Variants in CDYL observed in about 807,000 individuals in gnomAD.
CDYL encodes the protein chromodomain Y like, also known as chromodomain Y-like protein.
Under a neutral mutation model 47.3 loss-of-function variants are expected in CDYL, and 8 were observed. The observed-to-expected ratio is 0.17, with a 90% CI of 0.10 to 0.31. CDYL has a LOEUF of 0.31. Among genes scored for constraint, CDYL ranks in the 10% least tolerant of loss-of-function variants. The pLI is 1.00. For synonymous variants in CDYL, 266 were observed against 265.0 expected (o/e 1.00, Z -0.04); for missense variants, 471 against 701.4 (o/e 0.67, Z 3.71).
At chr6:4,722,772 G>A (rs1327053040) in intron 2 of CDYL, among the ~76,000 whole-genome samples, 2 of 152,194 alleles carry the variant, frequency 1.3e-5, no homozygotes, top group Non-Finnish European at 2.9e-5. Flanking sequence ...AGCTACTCGG[G>A]AGGCTGAGGC....
intron 2 of CDYL, among the ~76,000 whole-genome samples, chr6:4,929,087 C>T (rs930042844): frequency 6.6e-6 from 1 of 152,140 alleles, no homozygotes; most frequent in African/African-American, 2.4e-5. Flanking sequence ...TTTCCTTCTG[C>T]CTGAAGAACA....
Position 4,776,742 on chromosome 6 carries a change from G to GC in CDYL, c.-38dup. 5 of 719,040 alleles carry GC rather than the reference G, an allele frequency of 7.0e-6. No homozygotes were observed. The highest frequency in any genetic ancestry group is 2.1e-5 in the African/African-American group (1 of 48,236). The allele number at this position is 719,040 out of a possible 1,614,324, so 44.5% of individuals were successfully genotyped here. ...TGTCGGCCGCCCGGCGCCGGCGCCC[G>GC]CCCCGACCCTGCCCCTCCCGCCCGC... On this transcript the variant is annotated 5_prime_UTR_variant, in exon 1 of 7. Coordinates refer to ENST00000397588, the MANE Select transcript of CDYL (RefSeq NM_004824.4).
intron 2 of CDYL, among the ~76,000 whole-genome samples, chr6:4,929,493 T>TATAC (rs1554108736): frequency 1.4e-5 from 2 of 143,934 alleles, no homozygotes; most frequent in Admixed American, 1.4e-4. Flanking sequence ...ATGTTTTACT[T>TATAC]ACACACACAC....
chr6:4,939,474 C>A (rs1005609785), intron 4 of CDYL, among the ~76,000 whole-genome samples: 8 of 152,212 alleles, frequency 5.3e-5, no homozygotes, highest in African/African-American at 1.9e-4. Context: ...ACTATATTTT[C>A]TCATATGATG....
intron 1 of CDYL, among the ~76,000 whole-genome samples, chr6:4,889,152 C>T (rs890510070): frequency 6.6e-6 from 1 of 152,186 alleles, no homozygotes; most frequent in Non-Finnish European, 1.5e-5. Flanking sequence ...CTTATTGCTC[C>T]TTCACAGTCT....
chr6:4,801,687 G>A (rs1418137734), intron 1 of CDYL, among the ~76,000 whole-genome samples: 1 of 152,096 alleles, frequency 6.6e-6, no homozygotes, highest in Non-Finnish European at 1.5e-5. Flanking sequence ...GAGTAGAGAT[G>A]GACTTTTCTC....
intron 1 of CDYL, among the ~76,000 whole-genome samples, chr6:4,838,357 G>C (rs912940711): frequency 2.0e-5 from 3 of 149,456 alleles, no homozygotes; most frequent in African/African-American, 7.4e-5. Flanking sequence ...TTATGCCTTT[G>C]CATCTTCATA....
At chr6:4,896,034 C>G (rs1051988488) in intron 2 of CDYL, among the ~76,000 whole-genome samples, 19 of 152,212 alleles carry the variant, frequency 1.2e-4, no homozygotes, top group African/African-American at 4.3e-4. Context: ...ATCTCTACCC[C>G]TCTCTCACTT....
chr6:4,719,000 T>C (rs1192330803), intron 2 of CDYL, among the ~76,000 whole-genome samples: 2 of 152,000 alleles, frequency 1.3e-5, no homozygotes, highest in Non-Finnish European at 2.9e-5. Flanking sequence ...CTCGGCTCAC[T>C]GCAACCTCCA....
intron 2 of CDYL, among the ~76,000 whole-genome samples, chr6:4,905,230 C>A (rs901362190): frequency 1.9e-4 from 29 of 152,194 alleles, no homozygotes; most frequent in African/African-American, 7.0e-4. Flanking sequence ...TCTCTTCAAC[C>A]CTCTCCAGCC....
At chr6:4,726,505 C>T (rs867465791) in intron 2 of CDYL, among the ~76,000 whole-genome samples, 7 of 144,692 alleles carry the variant, frequency 4.8e-5, no homozygotes, top group African/African-American at 1.5e-4. Flanking sequence ...GCACTCCAGC[C>T]TAGGGGACAG....
At chr6:4,824,018 G>A (rs1283204915) in intron 1 of CDYL, among the ~76,000 whole-genome samples, 6 of 152,128 alleles carry the variant, frequency 3.9e-5, no homozygotes, top group Non-Finnish European at 2.9e-5. Context: ...CCTTCACTTA[G>A]CATAATGTTT....
intron 1 of CDYL, 85 bp downstream of exon 1, chr6:4,776,892 C>G: frequency 1.8e-6 from 1 of 545,588 alleles, no homozygotes. Context: ...CCCCGCTCGC[C>G]GCCCGCGCCC....
chr6:4,798,910 T>G (rs756220236), intron 1 of CDYL, among the ~76,000 whole-genome samples: 2 of 152,226 alleles, frequency 1.3e-5, no homozygotes, highest in Non-Finnish European at 2.9e-5. Context: ...TTAAAGGAAT[T>G]TACCTCATCT....
intron 1 of CDYL, among the ~76,000 whole-genome samples, chr6:4,830,077 C>T (rs1760092558): frequency 6.6e-6 from 1 of 152,004 alleles, no homozygotes; most frequent in South Asian, 2.1e-4. Flanking sequence ...GCTTCCTACT[C>T]TACCAAGTCT....
intron 1 of CDYL, among the ~76,000 whole-genome samples, 189 bp downstream of exon 1, chr6:4,776,996 G>T (rs1363476261): frequency 6.6e-6 from 1 of 150,780 alleles, no homozygotes; most frequent in Non-Finnish European, 1.5e-5. Flanking sequence ...CCCCGGCCGG[G>T]GGGTCCTGAA....
At chr6:4,816,276 C>G (rs185829747) in intron 1 of CDYL, among the ~76,000 whole-genome samples, 68 of 150,326 alleles carry the variant, frequency 4.5e-4, no homozygotes, top group Non-Finnish European at 8.3e-4. Flanking sequence ...TCAAAATTCT[C>G]TTGATTATTT....
At chr6:4,926,629 C>T (rs752815257) in intron 2 of CDYL, among the ~76,000 whole-genome samples, 3 of 152,140 alleles carry the variant, frequency 2.0e-5, no homozygotes, top group Non-Finnish European at 4.4e-5. Context: ...AGTGTAGTTT[C>T]AAGTGGTTTC....
chr6:4,901,827 A>G (rs1456678957), intron 2 of CDYL, among the ~76,000 whole-genome samples: 1 of 152,208 alleles, frequency 6.6e-6, no homozygotes, highest in Non-Finnish European at 1.5e-5. Flanking sequence ...ACTGAAATCC[A>G]GGCACAGCTG....
Sources: gnomAD v4.1 joint callset for allele counts (sites outside exome capture counted in the v4.1 genomes callset) on GRCh38, gnomAD v4.1.1 for gene constraint, MANE v1.5 for transcripts, NCBI Gene and HGNC (gene_info 2026-07-23, HGNC 2026-07-21) for gene names.